Variants in ZBBX observed in about 807,000 individuals in gnomAD.
The protein encoded by ZBBX is zinc finger B-box domain containing.
Under a neutral mutation model 108.5 loss-of-function variants are expected in ZBBX, and 101 were observed. The ratio of observed to expected loss-of-function variants is 0.93; its 90% CI spans 0.79 to 1.10. The LOEUF (loss-of-function observed/expected upper bound fraction) is 1.10, where lower values mean the gene tolerates loss of function less well. Ranked by LOEUF, ZBBX falls within the 50% of genes least tolerant of loss-of-function variation. The probability of loss-of-function intolerance (pLI) is 0.00; values close to 1 mark genes in which losing one functional copy is unlikely to be tolerated. For missense variants in ZBBX, 1,009 were observed against 941.4 expected (o/e 1.07, Z -0.94); for synonymous variants, 356 against 323.4 (o/e 1.10, Z -1.08).
intron 20 of ZBBX, among the ~76,000 whole-genome samples, chr3:167,262,613 A>T (rs1724746892): frequency 6.6e-6 from 1 of 151,726 alleles, no homozygotes; most frequent in African/African-American, 2.4e-5. Context: ...ACCTCTCCCT[A>T]GGAGACATTT....
At position 167,350,419 on chromosome 3, in the gene ZBBX, C is replaced by G. The variant is rs1483857646; in HGVS notation, c.528+1G>C. 8 of 1,584,710 alleles carry G rather than the reference C, an allele frequency of 5.0e-6. No homozygotes were observed. The highest frequency in any genetic ancestry group is 6.9e-6 in the Non-Finnish European group (8 of 1,163,218). ...AAGTAAATCATTTTAGAAAGCCATA[C>G]CTGCAAAAGAGTTGTTCTGTGGAGC... On this transcript the variant is annotated splice_donor_variant, in intron 9 of 21. Transcript: ENST00000675490. LOFTEE classifies it high-confidence loss of function.
At chr3:167,298,903 A>G (rs935693972) in intron 17 of ZBBX, among the ~76,000 whole-genome samples, 4 of 152,042 alleles carry the variant, frequency 2.6e-5, no homozygotes, top group African/African-American at 9.7e-5. Context: ...AAAAAAATGT[A>G]AGTTAACAAA....
chr3:167,315,820 C>G lies in ZBBX; in HGVS notation c.1204G>C (p.Glu402Gln). 1.9e-6 allele frequency: 3 copies of G among 1,591,730 alleles called. No homozygotes were observed. The highest frequency in any genetic ancestry group is 2.6e-6 in the Non-Finnish European group (3 of 1,164,448). The change falls in exon 15 of 22, where the codon GAG (glutamate) becomes CAG (glutamine). Residue 402 changes from glutamate (E) to glutamine (Q), a missense_variant. Physicochemically the swap from Glu to Gln is conservative, Grantham distance 29. Coordinates refer to ENST00000675490, the MANE Select transcript of ZBBX (RefSeq NM_001199201.2). ...ATATTTTCTGCTTCTTCAAATTCCT[C>G]TTCATAAGTCTTATTAAATTAATGT... ...KIVELDDTYE[E>Q]EFEEAENIVP...
intron 8 of ZBBX, among the ~76,000 whole-genome samples, chr3:167,354,717 G>A (rs933018274): frequency 4.6e-5 from 7 of 151,644 alleles, no homozygotes; most frequent in African/African-American, 1.5e-4. Context: ...AATATAACTT[G>A]CTAATTTTAA....
chr3:167,223,305 T>C, the ZBBX span, among the ~76,000 whole-genome samples: 1 of 151,976 alleles, frequency 6.6e-6, no homozygotes, highest in African/African-American at 2.4e-5. Flanking sequence ...TCTTATTTCT[T>C]CTTAAATCTA....
the ZBBX span, among the ~76,000 whole-genome samples, chr3:167,231,191 G>A: frequency 4.5e-4 from 68 of 151,884 alleles, no homozygotes; most frequent in Non-Finnish European, 8.8e-4. Context: ...GATGTTTAAG[G>A]TGAAATTATA....
the ZBBX span, among the ~76,000 whole-genome samples, chr3:167,208,522 C>T: frequency 6.6e-6 from 1 of 152,176 alleles, no homozygotes; most frequent in South Asian, 2.1e-4. Flanking sequence ...GCCCTCATTC[C>T]AGGCCTTAGC....
At chr3:167,278,523 A>G (rs1437856233) in intron 20 of ZBBX, among the ~76,000 whole-genome samples, 4 of 137,512 alleles carry the variant, frequency 2.9e-5, no homozygotes, top group Non-Finnish European at 6.2e-5. Context: ...ATTCCTCGAC[A>G]CATACACTCT....
chr3:167,217,476 G>T, the ZBBX span, among the ~76,000 whole-genome samples: 2 of 152,240 alleles, frequency 1.3e-5, no homozygotes, highest in Admixed American at 6.5e-5. Context: ...ACAGATGCTG[G>T]TAAGGTTACA....
chr3:167,279,684 A>T (rs1412809252), intron 20 of ZBBX, among the ~76,000 whole-genome samples: 1 of 152,074 alleles, frequency 6.6e-6, no homozygotes, highest in African/African-American at 2.4e-5. Flanking sequence ...AAGGTAATTT[A>T]TAGATTCAAT....
At chr3:167,389,131 C>T (rs1748011132) in intron 1 of ZBBX, among the ~76,000 whole-genome samples, 1 of 149,796 alleles carries the variant, frequency 6.7e-6, no homozygotes, top group African/African-American at 2.5e-5. Context: ...CTCCCCTTGC[C>T]CCCGACCACC....
chr3:167,347,715 T>G (rs1741721472), intron 9 of ZBBX, among the ~76,000 whole-genome samples: 1 of 151,954 alleles, frequency 6.6e-6, no homozygotes, highest in African/African-American at 2.4e-5. Context: ...GCACAGGAAG[T>G]CTGTGTATGC....
chr3:167,400,441 T>A (rs1257421483), intron 1 of ZBBX, among the ~76,000 whole-genome samples: 1 of 152,188 alleles, frequency 6.6e-6, no homozygotes, highest in Non-Finnish European at 1.5e-5. Flanking sequence ...TTGATTTACA[T>A]TTCGCTGATG....
chr3:167,318,643 A>G (rs1160761093), intron 12 of ZBBX, among the ~76,000 whole-genome samples: 1 of 151,968 alleles, frequency 6.6e-6, no homozygotes, highest in Non-Finnish European at 1.5e-5. Context: ...GCCAATTGTT[A>G]ATTAGAAAAA....
In ZBBX at chr3:167,288,884, C is replaced by G. The variant is rs1458364658; in HGVS notation, c.1979G>C (p.Arg660Thr). The G allele has an allele frequency of 6.5e-7, 1 of 1,534,102 alleles. No individual in the cohort carries two copies. Among genetic ancestry groups the G allele is most frequent in the Non-Finnish European group, 8.8e-7 (1 of 1,136,288 alleles). ...AATGTTACCCATCTTTTGCTGTTTT[C>G]TACTTGATGATGGACTCTGAGCACC... ...LQGAQSPSSS[R>T]KQQKMGQKSQ... The change falls in exon 19 of 22, where the codon AGA (arginine) becomes ACA (threonine). Residue 660 changes from arginine to threonine, a missense_variant. Arg to Thr is a moderately conservative substitution (Grantham distance 71, BLOSUM62 -1). Coordinates refer to ENST00000675490, the MANE Select transcript of ZBBX (RefSeq NM_001199201.2).
downstream of ZBBX, among the ~76,000 whole-genome samples, chr3:167,235,551 G>A (rs1358671330): frequency 6.6e-6 from 1 of 150,744 alleles, no homozygotes; most frequent in Non-Finnish European, 1.5e-5. Context: ...TATTCTTCTG[G>A]ATAGAAAGCA....
At chr3:167,179,212 C>T in the ZBBX span, among the ~76,000 whole-genome samples, 1 of 152,196 alleles carries the variant, frequency 6.6e-6, no homozygotes, top group Non-Finnish European at 1.5e-5. Context: ...GGGTGACACC[C>T]ATTTGCCAAA....
At chr3:167,390,733 T>C (rs1393550568) in intron 1 of ZBBX, among the ~76,000 whole-genome samples, 1 of 152,074 alleles carries the variant, frequency 6.6e-6, no homozygotes, top group Non-Finnish European at 1.5e-5. Context: ...TTCCTAGGTA[T>C]TTTATTTTCT....
the ZBBX span, among the ~76,000 whole-genome samples, chr3:167,229,912 T>G: frequency 6.6e-6 from 1 of 151,872 alleles, no homozygotes; most frequent in Non-Finnish European, 1.5e-5. Context: ...AAGAAAACCC[T>G]AAGTTCAGTT....
Sources: gnomAD v4.1 joint callset for allele counts (sites outside exome capture counted in the v4.1 genomes callset) on GRCh38, gnomAD v4.1.1 for gene constraint, MANE v1.5 for transcripts, NCBI Gene and HGNC (gene_info 2026-07-23, HGNC 2026-07-21) for gene names.